MCM3AP: variants seen among roughly 807,000 people sequenced by gnomAD.
The protein encoded by MCM3AP is minichromosome maintenance complex component 3 associated protein.
In MCM3AP, 126 loss-of-function variants were observed where a neutral mutation model predicts 184.1. That is an observed-to-expected ratio of 0.68 (90% confidence interval 0.59 to 0.79). MCM3AP has a LOEUF of 0.79. Among genes scored for constraint, MCM3AP ranks in the 30% least tolerant of loss-of-function variants. The probability of loss-of-function intolerance (pLI) is 0.00; values close to 1 mark genes in which losing one functional copy is unlikely to be tolerated. For synonymous variants in MCM3AP, 1,002 were observed against 979.3 expected (o/e 1.02, Z -0.43); for missense variants, 2,496 against 2,479.2 (o/e 1.01, Z -0.14).
intron 12 of MCM3AP, 139 bp downstream of exon 12, chr21:46,265,182 G>A: frequency 1.4e-6 from 1 of 700,586 alleles, no homozygotes; most frequent in Non-Finnish European, 2.4e-6. Flanking sequence ...ACCTGAGGCT[G>A]AGTGACTCTA....
At position 46,284,616 on chromosome 21, in the gene MCM3AP, G is replaced by C. The variant is rs768052088; in HGVS notation, c.671C>G (p.Pro224Arg). 1.2e-6 allele frequency: 2 copies of C among 1,614,056 alleles called. No homozygotes were observed. The highest frequency in any genetic ancestry group is 2.7e-5 in the African/African-American group (2 of 74,926). ...SSNNSLSAFT[P>R]ALSNQNVEEE... Reference sequence around the variant, plus strand: ...CTCTACATTTTGGTTTGACAAAGCAGGGGTAAAGGCAGATAATGAATTATT... The same window carrying C: ...CTCTACATTTTGGTTTGACAAAGCACGGGTAAAGGCAGATAATGAATTATT... The change falls in exon 1 of 28, where the codon CCT becomes CGT. Residue 224 changes from proline (P) to arginine (R), a missense_variant. Physicochemically the swap from Pro to Arg is moderately radical, Grantham distance 103. Coordinates refer to ENST00000291688, the MANE Select transcript of MCM3AP (RefSeq NM_003906.5).
At chr21:46,251,457 G>C (rs1221773809) in intron 20 of MCM3AP, 72 bp downstream of exon 20, 11 of 1,320,268 alleles carry the variant, frequency 8.3e-6, no homozygotes, top group Non-Finnish European at 1.1e-5. Flanking sequence ...TATTTGCATG[G>C]TTCCAGTGAT....
chr21:46,262,280 G>A (rs2081050750), intron 13 of MCM3AP, among the ~76,000 whole-genome samples: 1 of 152,202 alleles, frequency 6.6e-6, no homozygotes, highest in South Asian at 2.1e-4. Flanking sequence ...CTGAAGAGGA[G>A]GGAATATTTA....
rs777655746 is a variant in MCM3AP, at chr21:46,266,037, G to C, written c.2919C>G (p.Pro973=). Residue 973 remains proline, a synonymous_variant, in exon 11 of 28, where the codon CCC becomes CCG. Transcript: ENST00000291688. ...GEIVNGGPLP[P]VPRHTPVCSF... ...TGCACACAGGGGTATGACGAGGGAC[G>C]GGGGGCAATGGCCCTCCGTTCACAA... 3.7e-6 allele frequency: 6 copies of C among 1,611,428 alleles called. No individual in the cohort carries two copies. The African/African-American group carries it at 8.0e-5, about 22-fold the overall frequency.
At chr21:46,274,584 G>A (rs1210432792) in intron 6 of MCM3AP, among the ~76,000 whole-genome samples, 3 of 152,122 alleles carry the variant, frequency 2.0e-5, no homozygotes, top group East Asian at 1.9e-4. Flanking sequence ...TGTATCTAGA[G>A]CATAATCTCG....
At position 46,245,069 on chromosome 21, in the gene MCM3AP, T is replaced by C. The variant is rs1248965647; in HGVS notation, c.4776A>G (p.Arg1592=). The C allele has an allele frequency of 1.2e-6, 2 of 1,614,048 alleles. No individual in the cohort carries two copies. The highest frequency in any genetic ancestry group is 1.3e-5 in the African/African-American group (1 of 74,928). ...HEFSGRFFHD[R]RERRLGGLAS... ...CAAGACCGCCCAGACGCCTCTCTCT[T>C]CTGTCATGGAAAAAGCGGCCACTAA... The change falls in exon 23 of 28, where the codon AGA becomes AGG. Residue 1592 remains arginine (R), a synonymous_variant. Coordinates refer to ENST00000291688, the MANE Select transcript of MCM3AP (RefSeq NM_003906.5).
chr21:46,284,365 G>C lies in MCM3AP; in HGVS notation c.922C>G (p.Pro308Ala). ...GACAGAGGATCCGAATCTTCTGCTG[G>C]CTCGTGGCCATGTCTCCTTGGGGAG... ...DRSPRRHGHE[P>A]AEDSDPLSRG... The change falls in exon 1 of 28, where the codon CCA (proline) becomes GCA (alanine). Residue 308 changes from proline to alanine, a missense_variant. By Grantham distance (27) the Pro-to-Ala change is conservative (BLOSUM62 -1). This residue lies in a region of MCM3AP where 800 missense variants were observed against 717.1 expected (regional missense o/e 1.12). Transcript: ENST00000291688. 6.2e-7 allele frequency: 1 copy of C among 1,614,184 alleles called. No homozygotes were observed. Among genetic ancestry groups the C allele is most frequent in the South Asian group, 1.1e-5 (1 of 91,090 alleles).
Position 46,235,294 on chromosome 21 carries a change from C to T in MCM3AP, c.5917G>A (p.Ala1973Thr), listed in dbSNP as rs1440818796. 3 of 1,614,068 alleles carry T rather than the reference C, an allele frequency of 1.9e-6. No homozygotes were observed. Among genetic ancestry groups the T allele is most frequent in the Non-Finnish European group, 1.7e-6 (2 of 1,180,028 alleles). Residue 1973 changes from alanine (A) to threonine (T), a missense_variant, in exon 28 of 28, where the codon GCG (alanine) becomes ACG (threonine). Ala to Thr is a moderately conservative substitution (Grantham distance 58, BLOSUM62 0). Around this residue, in one of 5 missense-constraint regions of MCM3AP, gnomAD observed 1,323 missense variants for 1,273.4 expected, o/e 1.04. Transcript: ENST00000291688. The part of the protein sequence containing the change: ...EEVASELHLS[A>T]LLDMVDI ...CAAATGTCCACCATGTCTAGCAGCG[C>T]AGAGAGATGGAGCTCAGAGGCAACT...
rs1292471608 is a variant in MCM3AP at position 46,254,410 on chromosome 21, G to A, written c.4118C>T (p.Ser1373Phe). The part of the protein sequence containing the change: ...VLVLPDVEEQ[S>F]PESCGRILAN... ...TCCTGACCTGCCACAACTCTCTGGG[G>A]ACTGCTCCTCTACATCCGGCAACAC... Residue 1373 changes from serine to phenylalanine, a missense_variant, in exon 19 of 28, where the codon TCC (serine) becomes TTC (phenylalanine). By Grantham distance (155) the Ser-to-Phe change is radical (BLOSUM62 -2). This residue lies in a region of MCM3AP where 1,323 missense variants were observed against 1,273.4 expected (regional missense o/e 1.04). Transcript: ENST00000291688. 1.4e-5 allele frequency: 23 copies of A among 1,614,040 alleles called. No homozygotes were observed. Among genetic ancestry groups the A allele is most frequent in the Non-Finnish European group, 1.9e-5 (22 of 1,180,056 alleles).
In MCM3AP at chr21:46,249,564, AT is replaced by A. The variant is rs749309862; in HGVS notation, c.4290+1964del. The A allele has an allele frequency of 1.8e-5, 8 of 448,830 alleles. 1 individual carries two copies. The highest frequency in any genetic ancestry group is 1.3e-4 in the South Asian group (8 of 62,284). 27.8% of individuals were successfully genotyped at this position (448,830 alleles called of 1,614,324 possible). ...GCAAATGTCAGAATGAAATAAATGC[AT>A]TTTCTTTTTCTTTCCCCCAGCTTAA... On this transcript the variant is annotated intron_variant, in intron 20 of 27. Transcript: ENST00000291688.
intron 9 of MCM3AP, 91 bp from the exon 10 acceptor site, chr21:46,267,233 G>C (rs1370376226): frequency 3.3e-6 from 4 of 1,215,584 alleles, no homozygotes; most frequent in Admixed American, 2.1e-5. Flanking sequence ...GGCCAGCGTG[G>C]GGCACATGGG....
intron 4 of MCM3AP, among the ~76,000 whole-genome samples, chr21:46,278,839 A>C (rs984098437): frequency 6.6e-5 from 10 of 151,972 alleles, no homozygotes; most frequent in South Asian, 6.2e-4. Flanking sequence ...ATGCCCGGCT[A>C]ATTTTTTGTA....
intron 5 of MCM3AP, among the ~76,000 whole-genome samples, chr21:46,276,786 G>A (rs2081262144): frequency 1.3e-5 from 2 of 148,754 alleles, no homozygotes; most frequent in Admixed American, 6.8e-5. Context: ...TGTCCAGGCT[G>A]GAGTGCAGTG....
At chr21:46,260,413 G>A (rs1393163392) in intron 15 of MCM3AP, among the ~76,000 whole-genome samples, 1 of 152,192 alleles carries the variant, frequency 6.6e-6, no homozygotes, top group Non-Finnish European at 1.5e-5. Flanking sequence ...AGTCTCTTGA[G>A]TTGCTGGGAC....
rs1467169976 is a variant in MCM3AP, at chr21:46,267,038, T to C, written c.2733A>G (p.Arg911=). Residue 911 remains arginine, a synonymous_variant, in exon 10 of 28, where the codon AGA becomes AGG. Transcript: ENST00000291688. ...LDGVVRMLLF[R]DCEEATDFLT... is the part of the protein sequence containing the mutation. ...GGAAGTCGGTGGCCTCTTCACAGTC[T>C]CTGAACAGCAGCATGCGCACCACAC... 1.2e-6 allele frequency: 2 copies of C among 1,614,128 alleles called. No individual in the cohort carries two copies. Among genetic ancestry groups the C allele is most frequent in the South Asian group, 1.1e-5 (1 of 91,070 alleles).
chr21:46,280,216 A>G, intron 3 of MCM3AP, 79 bp from the exon 4 acceptor site: 6 of 1,429,326 alleles, frequency 4.2e-6, no homozygotes, highest in Non-Finnish European at 4.9e-6. Flanking sequence ...TGTTTCTAAG[A>G]AAGTAATATT....
At chr21:46,280,347 C>G in intron 3 of MCM3AP, 150 bp downstream of exon 3, 1 of 815,216 alleles carries the variant, frequency 1.2e-6, no homozygotes, top group Non-Finnish European at 1.9e-6. Flanking sequence ...GGGTTTGGAC[C>G]AAGAGCATGA....
At position 46,243,607 on chromosome 21, in the gene MCM3AP, G is replaced by A. The variant is rs1317324647; in HGVS notation, c.5154C>T (p.Tyr1718=). Residue 1718 remains tyrosine (Y), a synonymous_variant, in exon 24 of 28, where the codon TAC becomes TAT. Transcript: ENST00000291688. ...AGGGACTCTTGCTCTTCCACCTACA[G>A]TAGGTTCTGTGGAGCAGGTTCTCCA... ...SQVENLLHRT[Y]CRWKSKSPSP... is the part of the protein sequence containing the mutation. The A allele has an allele frequency of 6.2e-7, 1 of 1,614,254 alleles. No individual in the cohort carries two copies. Among genetic ancestry groups the A allele is most frequent in the Middle Eastern group, 1.6e-4 (1 of 6,062 alleles).
chr21:46,241,244 C>T (rs17176926), intron 25 of MCM3AP: 28,085 of 527,728 alleles, frequency 0.053, 980 homozygotes, highest in Non-Finnish European at 0.069. Flanking sequence ...CTGTAGGGAC[C>T]CTTATGCACA....
Sources: gnomAD v4.1 joint callset for allele counts (sites outside exome capture counted in the v4.1 genomes callset) on GRCh38, gnomAD v4.1.1 for gene constraint, gnomAD v4.1.1 regional missense constraint, MANE v1.5 for transcripts, NCBI Gene and HGNC (gene_info 2026-07-23, HGNC 2026-07-21) for gene names.